PDZD2: variants seen among roughly 807,000 people sequenced by gnomAD.
The protein encoded by PDZD2 is PDZ domain-containing protein 2.
A neutral mutation model predicts 220.7 loss-of-function variants in PDZD2; 90 were observed. The observed-to-expected ratio is 0.41, with a 90% confidence interval of 0.34 to 0.49. PDZD2 has a LOEUF of 0.49. PDZD2 is among the 20% of genes least tolerant of loss of function. PDZD2 has a pLI of 0.28. For synonymous variants in PDZD2, 1,375 were observed against 1,450.5 expected (o/e 0.95, Z 1.18); for missense variants, 3,174 against 3,608.5 (o/e 0.88, Z 3.08).
At chr5:32,044,150 G>A (rs1003348280) in intron 7 of PDZD2, among the ~76,000 whole-genome samples, 3 of 151,944 alleles carry the variant, frequency 2.0e-5, no homozygotes, top group Middle Eastern at 3.4e-3. Context: ...CCAACACGGT[G>A]AAACCTCATC....
intron 2 of PDZD2, among the ~76,000 whole-genome samples, chr5:31,952,093 G>A (rs892084476): frequency 3.3e-5 from 5 of 152,096 alleles, no homozygotes; most frequent in African/African-American, 9.7e-5. Context: ...ACTATTTTAT[G>A]TCTTTATTAA....
At chr5:31,919,769 C>A (rs2330879) in intron 2 of PDZD2, among the ~76,000 whole-genome samples, 115,180 of 147,474 alleles carry the variant, frequency 0.78, 45,546 homozygotes, top group African/African-American at 0.88. Flanking sequence ...TCCGGGTTAT[C>A]GGGGAGAATG....
chr5:31,713,565 C>T (rs1020456754), intron 1 of PDZD2, among the ~76,000 whole-genome samples: 10 of 152,138 alleles, frequency 6.6e-5, no homozygotes, highest in Non-Finnish European at 8.8e-5. Flanking sequence ...CAGGTACATC[C>T]GTCATGAATG....
At chr5:31,913,342 G>GAA (rs11422444) in intron 2 of PDZD2, among the ~76,000 whole-genome samples, 129 of 146,226 alleles carry the variant, frequency 8.8e-4, no homozygotes, top group East Asian at 6.2e-3. Flanking sequence ...CTTCCTTGGG[G>GAA]AAAAAAAAAA....
chr5:32,105,375 C>G (rs116423956), intron 24 of PDZD2, among the ~76,000 whole-genome samples: 1 of 152,106 alleles, frequency 6.6e-6, no homozygotes, highest in East Asian at 1.9e-4. Context: ...TAAAAAATCT[C>G]ATACTATGAT....
intron 1 of PDZD2, among the ~76,000 whole-genome samples, chr5:31,710,053 A>G (rs1459365834): frequency 6.6e-6 from 1 of 152,178 alleles, no homozygotes; most frequent in African/African-American, 2.4e-5. Flanking sequence ...CTCGCCCCTG[A>G]CTCTGTTCCT....
At chr5:31,823,552 G>C (rs1756036217) in intron 2 of PDZD2, among the ~76,000 whole-genome samples, 1 of 152,112 alleles carries the variant, frequency 6.6e-6, no homozygotes, top group African/African-American at 2.4e-5. Context: ...AGCTGACCTA[G>C]AGGAAAGCAA....
chr5:31,652,411 A>G (rs1745387980), intron 1 of PDZD2, among the ~76,000 whole-genome samples: 1 of 152,292 alleles, frequency 6.6e-6, no homozygotes, highest in South Asian at 2.1e-4. Context: ...TGCTTTCCAT[A>G]AAGCCACTGG....
chr5:31,659,358 T>C (rs752644314), intron 1 of PDZD2, among the ~76,000 whole-genome samples: 45 of 152,272 alleles, frequency 3.0e-4, no homozygotes, highest in Non-Finnish European at 3.8e-4. Context: ...TCTGTACCTT[T>C]AGACCCAACC....
At chr5:31,956,439 C>T (rs1177945759) in intron 2 of PDZD2, among the ~76,000 whole-genome samples, 3 of 146,618 alleles carry the variant, frequency 2.0e-5, no homozygotes, top group South Asian at 2.2e-4. Context: ...CCCAGCTACT[C>T]GGGAGGCTGA....
chr5:31,828,732 C>T (rs981318180), intron 2 of PDZD2, among the ~76,000 whole-genome samples: 1 of 152,190 alleles, frequency 6.6e-6, no homozygotes, highest in African/African-American at 2.4e-5. Flanking sequence ...AACTCCTGGC[C>T]TCAAGCCATC....
At chr5:31,859,396 C>T (rs1737472155) in intron 2 of PDZD2, among the ~76,000 whole-genome samples, 1 of 152,108 alleles carries the variant, frequency 6.6e-6, no homozygotes, top group Non-Finnish European at 1.5e-5. Flanking sequence ...TTAAAAAAAA[C>T]ATTTCTACTT....
At chr5:31,879,911 CTTT>C (rs568407359) in intron 2 of PDZD2, among the ~76,000 whole-genome samples, 2 of 124,174 alleles carry the variant, frequency 1.6e-5, no homozygotes, top group Admixed American at 8.7e-5. Flanking sequence ...CAATACCTGC[CTTT>C]TTTTTTTTTT....
At chr5:31,769,836 T>C (rs185416556) in intron 1 of PDZD2, among the ~76,000 whole-genome samples, 8 of 152,236 alleles carry the variant, frequency 5.3e-5, no homozygotes, top group African/African-American at 1.7e-4. Flanking sequence ...TTCTTGTTGA[T>C]GAAAACTTTC....
intron 1 of PDZD2, among the ~76,000 whole-genome samples, chr5:31,720,631 G>T (rs570553660): frequency 1.4e-4 from 22 of 152,290 alleles, no homozygotes; most frequent in African/African-American, 5.3e-4. Context: ...AGTTTGGACC[G>T]CCATGAAGAA....
At chr5:31,815,245 CAAAAAAAAAAAAAAAA>C (rs59040987) in intron 2 of PDZD2, among the ~76,000 whole-genome samples, 1 of 57,916 alleles carries the variant, frequency 1.7e-5, no homozygotes, top group Non-Finnish European at 3.1e-5. Context: ...AACTCTGTCT[CAAAAAAAAAAAAAAAA>C]AAAAAAAAAG....
chr5:31,965,125 C>T (rs1193320374), intron 2 of PDZD2, among the ~76,000 whole-genome samples: 1 of 152,172 alleles, frequency 6.6e-6, no homozygotes, highest in African/African-American at 2.4e-5. Context: ...TAAAACGACA[C>T]GGACACACGT....
chr5:31,741,360 A>AT (rs1554069109), intron 1 of PDZD2, among the ~76,000 whole-genome samples: 15,786 of 141,368 alleles, frequency 0.11, 1,175 homozygotes, highest in East Asian at 0.38. Context: ...TAAAGCCAAG[A>AT]TTTTTTTTTT....
chr5:31,658,527 T>C, intron 1 of PDZD2, among the ~76,000 whole-genome samples: 1 of 152,152 alleles, frequency 6.6e-6, no homozygotes. Flanking sequence ...CTCTCCACCA[T>C]GTTTAAACCT....
Sources: gnomAD v4.1 joint callset for allele counts (sites outside exome capture counted in the v4.1 genomes callset) on GRCh38, gnomAD v4.1.1 for gene constraint, MANE v1.5 for transcripts, NCBI Gene and HGNC (gene_info 2026-07-23, HGNC 2026-07-21) for gene names.